The following ENTREP2 variants were observed in gnomAD, a reference collection of about 807,000 sequenced individuals.
ENTREP2 encodes endosomal transmembrane epsin interactor 2, also known as protein ENTREP2.
chr15:29,173,179 A>G, the ENTREP2 span, among the ~76,000 whole-genome samples: 1 of 152,154 alleles, frequency 6.6e-6, no homozygotes, highest in Non-Finnish European at 1.5e-5. Context: ...CACTCCCAGG[A>G]CAGTCCACTG....
At chr15:29,528,018 T>G in the ENTREP2 span, among the ~76,000 whole-genome samples, 1 of 152,112 alleles carries the variant, frequency 6.6e-6, no homozygotes, top group African/African-American at 2.4e-5. Flanking sequence ...CGTGCATTCA[T>G]CCATTTGGCA....
the ENTREP2 span, among the ~76,000 whole-genome samples, chr15:29,330,164 C>T: frequency 2.0e-5 from 3 of 151,938 alleles, no homozygotes; most frequent in Admixed American, 6.6e-5. Flanking sequence ...CTTGGCCGAG[C>T]GCGGCAGCTC....
chr15:29,456,803 A>G, the ENTREP2 span, among the ~76,000 whole-genome samples: 1 of 152,204 alleles, frequency 6.6e-6, no homozygotes, highest in Non-Finnish European at 1.5e-5. Context: ...TAAGATCAGC[A>G]AAGAGTGGTG....
chr15:29,569,812 G>C, the ENTREP2 span: 1 of 152,472 alleles, frequency 6.6e-6, no homozygotes, highest in Admixed American at 6.5e-5. Flanking sequence ...TCATCCTTAA[G>C]GTCTGGAGCT....
At chr15:29,518,225 C>A in the ENTREP2 span, among the ~76,000 whole-genome samples, 1 of 151,662 alleles carries the variant, frequency 6.6e-6, no homozygotes, top group African/African-American at 2.4e-5. Flanking sequence ...CAAAACAAAA[C>A]AAAAAAACTA....
chr15:29,132,587 A>G, the ENTREP2 span, among the ~76,000 whole-genome samples: 1 of 152,354 alleles, frequency 6.6e-6, no homozygotes, highest in East Asian at 1.9e-4. Context: ...TCTGAGAAAG[A>G]GATCTCAACT....
At chr15:29,142,795 G>A in the ENTREP2 span, among the ~76,000 whole-genome samples, 2 of 152,184 alleles carry the variant, frequency 1.3e-5, no homozygotes, top group African/African-American at 4.8e-5. Context: ...TGAGGCTGCA[G>A]CAGCTGGCGA....
chr15:29,263,385 T>C, the ENTREP2 span, among the ~76,000 whole-genome samples: 6 of 152,204 alleles, frequency 3.9e-5, no homozygotes, highest in Non-Finnish European at 7.3e-5. Context: ...ACAGAACAAG[T>C]TCCATGTCCT....
the ENTREP2 span, among the ~76,000 whole-genome samples, chr15:29,648,746 T>C: frequency 2.6e-5 from 4 of 152,124 alleles, no homozygotes. Flanking sequence ...AAGACCAGCC[T>C]GGCCAACATG....
chr15:29,345,476 A>G, the ENTREP2 span, among the ~76,000 whole-genome samples: 2 of 152,056 alleles, frequency 1.3e-5, no homozygotes, highest in African/African-American at 4.8e-5. Context: ...TGCTTTCTGC[A>G]CCAAGGCCCC....
At chr15:29,643,205 G>C in the ENTREP2 span, among the ~76,000 whole-genome samples, 1 of 152,036 alleles carries the variant, frequency 6.6e-6, no homozygotes, top group Non-Finnish European at 1.5e-5. Flanking sequence ...TATTTCAAAG[G>C]ACAACATTAA....
the ENTREP2 span, among the ~76,000 whole-genome samples, chr15:29,652,767 G>C: frequency 0.015 from 2,230 of 152,328 alleles, 49 homozygotes; most frequent in African/African-American, 0.051. Flanking sequence ...CCACTTGACT[G>C]TGTGCAGCGG....
At chr15:29,155,735 C>T in the ENTREP2 span, among the ~76,000 whole-genome samples, 16 of 152,284 alleles carry the variant, frequency 1.1e-4, no homozygotes, top group East Asian at 2.1e-3. Context: ...CTGGGGCAAT[C>T]GTAGGGCTCA....
the ENTREP2 span, among the ~76,000 whole-genome samples, chr15:29,437,128 G>A: frequency 1.3e-5 from 2 of 152,094 alleles, no homozygotes; most frequent in Non-Finnish European, 2.9e-5. Flanking sequence ...TATCCCTTCC[G>A]AACATCTCCC....
the ENTREP2 span, among the ~76,000 whole-genome samples, chr15:29,331,772 G>T: frequency 3.5e-3 from 533 of 152,302 alleles, 4 homozygotes; most frequent in Non-Finnish European, 6.1e-3. Flanking sequence ...AGAAAATAAA[G>T]CACAAAAGCT....
chr15:29,621,155 C>T, the ENTREP2 span, among the ~76,000 whole-genome samples: 3 of 151,758 alleles, frequency 2.0e-5, no homozygotes, highest in Non-Finnish European at 4.4e-5. Context: ...TTTGGGAGGC[C>T]GAGGCAGGCG....
chr15:29,299,241 C>T, the ENTREP2 span, among the ~76,000 whole-genome samples: 6 of 152,234 alleles, frequency 3.9e-5, no homozygotes, highest in East Asian at 1.2e-3. Flanking sequence ...GTTTAACAAA[C>T]TCCTTCGGCC....
chr15:29,178,240 G>C, the ENTREP2 span, among the ~76,000 whole-genome samples: 36 of 149,416 alleles, frequency 2.4e-4, no homozygotes, highest in Non-Finnish European at 4.3e-4. Context: ...GCTGCCGTGA[G>C]CTGTGATTGT....
the ENTREP2 span, among the ~76,000 whole-genome samples, chr15:29,223,392 G>T: frequency 3.9e-5 from 6 of 152,202 alleles, no homozygotes; most frequent in Admixed American, 3.3e-4. Context: ...GCAAAGAAAG[G>T]TGCCCAGCTC....
Sources: gnomAD v4.1 joint callset for allele counts (sites outside exome capture counted in the v4.1 genomes callset) on GRCh38, gnomAD v4.1.1 for gene constraint, MANE v1.5 for transcripts, NCBI Gene and HGNC (gene_info 2026-07-23, HGNC 2026-07-21) for gene names.